THRAP3: variants seen among roughly 807,000 people sequenced by gnomAD.
THRAP3 encodes thyroid hormone receptor associated protein 3, also known as thyroid hormone receptor-associated protein 3.
In THRAP3, 16 loss-of-function variants were observed where a neutral mutation model predicts 101.0. That is an observed-to-expected ratio of 0.16 (90% CI 0.11 to 0.24). THRAP3 has a LOEUF of 0.24. THRAP3 is among the 10% of genes least tolerant of loss of function. THRAP3 has a pLI of 1.00. For synonymous variants in THRAP3, 407 were observed against 422.6 expected, an observed-to-expected ratio of 0.96 and a Z score of 0.45; for missense variants, 989 against 1,202.7, an observed-to-expected ratio of 0.82 and a Z score of 2.63.
intron 1 of THRAP3, among the ~76,000 whole-genome samples, chr1:36,224,719 T>C (rs1246764703): frequency 6.6e-6 from 1 of 152,158 alleles, no homozygotes; most frequent in Non-Finnish European, 1.5e-5. Context: ...GGCCCCGGCC[T>C]AGCTCCCAAG....
chr1:36,291,765 A>G (rs527266828), intron 6 of THRAP3, among the ~76,000 whole-genome samples: 83 of 152,374 alleles, frequency 5.4e-4, no homozygotes, highest in Middle Eastern at 3.4e-3. Context: ...CCAAGAGAAC[A>G]GGTGAAATCC....
chr1:36,269,826 C>A (rs149189078), intron 2 of THRAP3, among the ~76,000 whole-genome samples: 1 of 152,198 alleles, frequency 6.6e-6, no homozygotes, highest in African/African-American at 2.4e-5. Context: ...AGTCCTACCC[C>A]TCAACCTCCC....
upstream of THRAP3, among the ~76,000 whole-genome samples, chr1:36,223,725 A>G (rs1029226797): frequency 2.0e-5 from 3 of 152,190 alleles, no homozygotes; most frequent in African/African-American, 7.2e-5. Context: ...ATACCCCAGT[A>G]GCACCCATTT....
intron 2 of THRAP3, among the ~76,000 whole-genome samples, chr1:36,271,750 C>T (rs1207349383): frequency 6.6e-6 from 1 of 152,044 alleles, no homozygotes; most frequent in Non-Finnish European, 1.5e-5. Flanking sequence ...CATACCACCA[C>T]ACCCGGCTAA....
rs1319599137 is a variant in THRAP3 at position 36,287,515 on chromosome 1, A to G, written c.1040+245A>G. ...TAGACTACTCTGCAATGATGTTTTC[A>G]CATTTAAAATTTGCCTTGGATTCTA... On this transcript the variant is annotated intron_variant, in intron 4 of 11. Coordinates refer to ENST00000354618, the MANE Select transcript of THRAP3 (RefSeq NM_005119.4). The G allele has an allele frequency of 3.0e-6, 3 of 985,324 alleles. No homozygotes were observed. In the East Asian group the frequency reaches 3.4e-4, roughly 112 times the overall value. 61.0% of individuals were successfully genotyped at this position (985,324 alleles called of 1,614,324 possible). A position where few individuals can be genotyped will look rare whatever the true frequency, so the allele number is the denominator to read the frequency against.
chr1:36,263,572 A>T (rs1027312399), intron 2 of THRAP3, among the ~76,000 whole-genome samples: 1 of 152,148 alleles, frequency 6.6e-6, no homozygotes, highest in Admixed American at 6.6e-5. Context: ...ATTGAGAAGA[A>T]AATATTCCCC....
chr1:36,219,569 C>T (rs1424165413), upstream of THRAP3, among the ~76,000 whole-genome samples: 2 of 151,946 alleles, frequency 1.3e-5, no homozygotes, highest in Non-Finnish European at 2.9e-5. Context: ...GGATTACAGT[C>T]ACCCGCCACC....
At chr1:36,255,766 C>CTGA (rs1180723376) in intron 1 of THRAP3, among the ~76,000 whole-genome samples, 1 of 113,350 alleles carries the variant, frequency 8.8e-6, no homozygotes, top group Non-Finnish European at 1.8e-5. Flanking sequence ...GAGTGAGACT[C>CTGA]TGTCTCAAAA....
chr1:36,214,182 G>C, the THRAP3 span, among the ~76,000 whole-genome samples: 1 of 152,198 alleles, frequency 6.6e-6, no homozygotes, highest in Non-Finnish European at 1.5e-5. Flanking sequence ...GAACAAACTA[G>C]TTGTTGCCTT....
At chr1:36,260,838 A>T (rs1022639617) in intron 2 of THRAP3, among the ~76,000 whole-genome samples, 22 of 151,866 alleles carry the variant, frequency 1.4e-4, no homozygotes, top group South Asian at 6.2e-4. Context: ...AAAAAAAAAA[A>T]AGGCACTCTG....
chr1:36,235,541 C>G (rs1036912947), intron 1 of THRAP3, among the ~76,000 whole-genome samples: 5 of 151,906 alleles, frequency 3.3e-5, no homozygotes, highest in Non-Finnish European at 4.4e-5. Context: ...CATATGAAAA[C>G]CAGAGAGATA....
chr1:36,300,684 GT>G lies in THRAP3; in HGVS notation c.2304-201del, dbSNP rs370561152. On this transcript the variant is annotated intron_variant, in intron 9 of 11. Coordinates refer to ENST00000354618, the MANE Select transcript of THRAP3 (RefSeq NM_005119.4). The stretch of plus-strand genomic sequence containing the variant: ...TTATCACAGACTCAGACATAGATGT[GT>G]CACTGAACATGACTGACAGAATTGA... Among the ~76,000 whole-genome samples, 925 of 152,252 alleles carry G rather than the reference GT, an allele frequency of 6.1e-3. 9 individuals carry two copies. The highest frequency in any genetic ancestry group is 0.021 in the African/African-American group (875 of 41,530).
intron 1 of THRAP3, among the ~76,000 whole-genome samples, chr1:36,253,171 T>A (rs1000388251): frequency 7.8e-4 from 119 of 151,812 alleles, no homozygotes; most frequent in Non-Finnish European, 1.4e-3. Context: ...ACAGATTGGG[T>A]ACTGCCAAAT....
At chr1:36,217,093 T>A in the THRAP3 span, among the ~76,000 whole-genome samples, 1 of 152,102 alleles carries the variant, frequency 6.6e-6, no homozygotes, top group African/African-American at 2.4e-5. Flanking sequence ...GCCCACCAAA[T>A]GAATGAAGTG....
At chr1:36,228,682 A>G (rs1644990471) in intron 1 of THRAP3, among the ~76,000 whole-genome samples, 1 of 152,182 alleles carries the variant, frequency 6.6e-6, no homozygotes, top group Non-Finnish European at 1.5e-5. Context: ...TCCTTAATCT[A>G]TGGCCGGTGG....
At chr1:36,220,862 G>C (rs1007011406), upstream of THRAP3, among the ~76,000 whole-genome samples, 5 of 150,392 alleles carry the variant, frequency 3.3e-5, no homozygotes, top group Admixed American at 3.3e-4. Flanking sequence ...GACTGAGACA[G>C]GAGGATCGCT....
At chr1:36,218,414 CAAA>C in the THRAP3 span, among the ~76,000 whole-genome samples, 1 of 40,092 alleles carries the variant, frequency 2.5e-5, no homozygotes, top group African/African-American at 8.8e-5. Flanking sequence ...GACTCTGTCT[CAAA>C]AAAAAAAAAA....
chr1:36,274,625 C>CTTTTTT (rs573419051), intron 2 of THRAP3, among the ~76,000 whole-genome samples: 132 of 59,280 alleles, frequency 2.2e-3, no homozygotes, highest in African/African-American at 4.0e-3. Context: ...ATTAATTGGG[C>CTTTTTT]TTTTTTTTTT....
rs200955227 is a variant in THRAP3, at chr1:36,292,630, C to T, written c.1951C>T (p.His651Tyr). Residue 651 changes from histidine to tyrosine, a missense_variant, in exon 7 of 12, where the codon CAT becomes TAT. Coordinates refer to ENST00000354618, the MANE Select transcript of THRAP3 (RefSeq NM_005119.4). ...HHFGSSGMTL[H>Y]ERFTKYLKRG... ...CTTTGGGTCCTCAGGAATGACATTA[C>T]ATGAACGCTTTACTAAATACCTAAA... 6.2e-7 allele frequency: 1 copy of T among 1,613,504 alleles called. No homozygotes were observed. The highest frequency in any genetic ancestry group is 1.7e-5 in the Admixed American group (1 of 59,910).
Sources: allele counts gnomAD v4.1 joint callset (sites outside exome capture counted in the v4.1 genomes callset), GRCh38; gene constraint gnomAD v4.1.1; transcripts MANE v1.5; gene names NCBI Gene and HGNC (gene_info 2026-07-23, HGNC 2026-07-21).